NOP58: variants seen among roughly 807,000 people sequenced by gnomAD.
NOP58 encodes the protein nucleolar protein 58.
In NOP58, 44 loss-of-function variants were observed where a neutral mutation model predicts 71.2. That is an observed-to-expected ratio of 0.62 (90% CI 0.49 to 0.79). The LOEUF (loss-of-function observed/expected upper bound fraction) is 0.79. Among genes scored for constraint, NOP58 ranks in the 30% least tolerant of loss-of-function variants. The pLI is 0.00. For synonymous variants in NOP58, 228 were observed against 200.3 expected, an observed-to-expected ratio of 1.14 and a Z score of -1.17; for missense variants, 538 against 620.2, an observed-to-expected ratio of 0.87 and a Z score of 1.41.
At chr2:202,298,952 ATTTTTTTTTTT>A (rs3043921) in intron 12 of NOP58, among the ~76,000 whole-genome samples, 46 of 81,464 alleles carry the variant, frequency 5.6e-4, no homozygotes, top group African/African-American at 2.2e-3. Context: ...ATCCTTCAAG[ATTTTTTTTTTT>A]TTTTTTTTTT....
chr2:202,286,763 A>G (rs1281728844), intron 5 of NOP58, among the ~76,000 whole-genome samples: 1 of 152,128 alleles, frequency 6.6e-6, no homozygotes, highest in Admixed American at 6.5e-5. Context: ...CCCAGTAGGC[A>G]TTTGTCTATG....
chr2:202,283,819 ATC>A (rs1688748088), intron 4 of NOP58, among the ~76,000 whole-genome samples: 1 of 152,152 alleles, frequency 6.6e-6, no homozygotes, highest in African/African-American at 2.4e-5. Context: ...AATTATATTA[ATC>A]TTTTTATAGC....
chr2:202,302,738 A>G (rs1308099579), intron 13 of NOP58, among the ~76,000 whole-genome samples, 183 bp from the exon 14 acceptor site: 3 of 152,220 alleles, frequency 2.0e-5, no homozygotes, highest in Non-Finnish European at 4.4e-5. Flanking sequence ...TCTGAGCTCT[A>G]TCTATATCAT....
At chr2:202,273,055 G>T (rs1449931900) in intron 1 of NOP58, among the ~76,000 whole-genome samples, 3 of 152,200 alleles carry the variant, frequency 2.0e-5, no homozygotes, top group Non-Finnish European at 2.9e-5. Flanking sequence ...AACCCAGGAG[G>T]TGGAGCTTGC....
intron 1 of NOP58, among the ~76,000 whole-genome samples, chr2:202,271,354 G>C (rs1422696756): frequency 1.3e-5 from 2 of 150,446 alleles, no homozygotes; most frequent in South Asian, 4.2e-4. Flanking sequence ...TCAGGAGTTC[G>C]AGACCAGCCT....
chr2:202,274,400 ATTTTTTTTT>A (rs1173477305), intron 1 of NOP58, among the ~76,000 whole-genome samples: 32 of 104,670 alleles, frequency 3.1e-4, no homozygotes, highest in African/African-American at 4.4e-4. Context: ...CTAATTTTGT[ATTTTTTTTT>A]TTTTTTTTTT....
chr2:202,272,443 C>T (rs1688526871), intron 1 of NOP58, among the ~76,000 whole-genome samples: 1 of 152,070 alleles, frequency 6.6e-6, no homozygotes, highest in African/African-American at 2.4e-5. Flanking sequence ...CATGAGCCAC[C>T]GTGCCCAGCC....
intron 2 of NOP58, among the ~76,000 whole-genome samples, chr2:202,277,146 G>T (rs1688612992): frequency 6.6e-6 from 1 of 152,200 alleles, no homozygotes; most frequent in Non-Finnish European, 1.5e-5. Flanking sequence ...AATTAGCCAG[G>T]TGTGGTGGCG....
chr2:202,301,109 T>C (rs1689083868), intron 13 of NOP58, among the ~76,000 whole-genome samples: 1 of 152,214 alleles, frequency 6.6e-6, no homozygotes, highest in Admixed American at 6.5e-5. Context: ...CACCAAACTC[T>C]GTCCTTTGTA....
At chr2:202,294,088 G>A (rs1286301282) in intron 9 of NOP58, among the ~76,000 whole-genome samples, 1 of 151,574 alleles carries the variant, frequency 6.6e-6, no homozygotes, top group African/African-American at 2.4e-5. Context: ...GCTGAGGTGG[G>A]TGGGTCACCT....
rs1390025526 is a variant in NOP58, at chr2:202,294,053, G to A, written c.907+1150G>A. Among the ~76,000 whole-genome samples, 12 of 151,738 alleles carry A rather than the reference G, an allele frequency of 7.9e-5. No individual in the cohort carries two copies. The East Asian group carries it at 1.8e-3, about 22-fold the overall frequency. On this transcript the variant is annotated intron_variant, in intron 9 of 14. Coordinates refer to ENST00000264279, the MANE Select transcript of NOP58 (RefSeq NM_015934.5). ...TTGTTGGCCAGGCGTGGTGGCTCACGCCTGTAATCCCAGCACTTTGAGAAG... is the reference window on the plus strand; with the variant it reads ...TTGTTGGCCAGGCGTGGTGGCTCACACCTGTAATCCCAGCACTTTGAGAAG...
chr2:202,291,806 C>CAAAAAAAA (rs1161178890), intron 8 of NOP58, among the ~76,000 whole-genome samples: 4 of 41,892 alleles, frequency 9.5e-5, no homozygotes, highest in Admixed American at 7.4e-4. Context: ...AACTCCATCT[C>CAAAAAAAA]AAAAAAAAAA....
At chr2:202,276,984 A>T (rs1327023029) in intron 2 of NOP58, among the ~76,000 whole-genome samples, 2 of 149,176 alleles carry the variant, frequency 1.3e-5, no homozygotes, top group African/African-American at 5.0e-5. Flanking sequence ...TAAAAAATAC[A>T]AAAAAATTAG....
rs753024202 is a variant in NOP58 at position 202,277,981 on chromosome 2, G to C, written c.154G>C (p.Asp52His). The change falls in exon 3 of 15, where the codon GAT (aspartate) becomes CAT (histidine). Residue 52 changes from aspartate to histidine, a missense_variant. Transcript: ENST00000264279. ...GCTAAAACATTTTGAGAAATTTCAG[G>C]ATACAGCAGAAGCATTAGCAGGTAA... Reference protein sequence around the residue: ...VKLKHFEKFQDTAEALAAFTA... With the variant: ...VKLKHFEKFQHTAEALAAFTA... 2.9e-5 allele frequency: 45 copies of C among 1,553,472 alleles called. No homozygotes were observed. Among genetic ancestry groups the C allele is most frequent in the Non-Finnish European group, 6.2e-6 (7 of 1,133,526 alleles).
chr2:202,299,151 G>T (rs1234769086), intron 12 of NOP58, among the ~76,000 whole-genome samples: 2 of 151,698 alleles, frequency 1.3e-5, no homozygotes, highest in East Asian at 3.9e-4. Context: ...GTAGAGTCGG[G>T]GTTTCATCAT....
At chr2:202,268,736 C>T (rs189016235) in intron 1 of NOP58, among the ~76,000 whole-genome samples, 59 of 151,406 alleles carry the variant, frequency 3.9e-4, no homozygotes, top group African/African-American at 1.1e-3. Flanking sequence ...CTCAGCCTCC[C>T]GAGTAGCTGG....
chr2:202,274,588 A>C (rs1315173974), intron 1 of NOP58, among the ~76,000 whole-genome samples: 1 of 151,868 alleles, frequency 6.6e-6, no homozygotes, highest in East Asian at 1.9e-4. Flanking sequence ...TAAAGGGATT[A>C]ATGGCTCTTT....
chr2:202,294,336 CAAAAAA>C (rs1231907557), intron 9 of NOP58, among the ~76,000 whole-genome samples: 1 of 71,450 alleles, frequency 1.4e-5, no homozygotes, highest in Non-Finnish European at 2.8e-5. Context: ...AACTCCATCT[CAAAAAA>C]AAAAAAAAAA....
intron 5 of NOP58, 62 bp from the exon 6 acceptor site, chr2:202,287,598 T>G: frequency 7.9e-7 from 1 of 1,272,276 alleles, no homozygotes; most frequent in Non-Finnish European, 1.1e-6. Flanking sequence ...AACTTTAAGG[T>G]GTTAATTTAA....
Sources: allele counts gnomAD v4.1 joint callset (sites outside exome capture counted in the v4.1 genomes callset), GRCh38; gene constraint gnomAD v4.1.1; transcripts MANE v1.5; gene names NCBI Gene and HGNC (gene_info 2026-07-23, HGNC 2026-07-21).